The following SGCZ variants were observed in gnomAD, a reference collection of about 807,000 sequenced individuals.
The protein encoded by SGCZ is zeta-sarcoglycan.
SGCZ carries 40 observed loss-of-function variants against 41.3 expected under a neutral mutation model. The ratio of observed to expected loss-of-function variants is 0.97; its 90% CI spans 0.75 to 1.26. The LOEUF (loss-of-function observed/expected upper bound fraction) is 1.26, where lower values mean the gene tolerates loss of function less well. Among genes scored for constraint, SGCZ ranks in the 50% most tolerant of loss-of-function variants. The pLI, the probability that SGCZ is intolerant of heterozygous loss-of-function variation, is 0.00. For missense variants in SGCZ, 552 were observed against 369.8 expected, an observed-to-expected ratio of 1.49 and a Z score of -4.04; for synonymous variants, 206 against 137.5, an observed-to-expected ratio of 1.50 and a Z score of -3.49.
intron 3 of SGCZ, among the ~76,000 whole-genome samples, chr8:14,313,303 C>G (rs1031803643): frequency 6.6e-6 from 1 of 152,064 alleles, no homozygotes; most frequent in African/African-American, 2.4e-5. Flanking sequence ...TACCCCAGGG[C>G]TGATTTTTTA....
chr8:14,139,885 A>G (rs762327597), intron 5 of SGCZ, among the ~76,000 whole-genome samples: 1 of 152,264 alleles, frequency 6.6e-6, no homozygotes, highest in South Asian at 2.1e-4. Context: ...ACAACAAAAA[A>G]ACAGAATTTT....
chr8:15,064,848 T>G (rs1406644816), intron 1 of SGCZ, among the ~76,000 whole-genome samples: 1 of 152,172 alleles, frequency 6.6e-6, no homozygotes, highest in Non-Finnish European at 1.5e-5. Context: ...GCTTTCTGTG[T>G]AGAGAGAGCA....
At chr8:15,108,228 C>T (rs1203549793) in intron 1 of SGCZ, among the ~76,000 whole-genome samples, 4 of 152,042 alleles carry the variant, frequency 2.6e-5, no homozygotes, top group Non-Finnish European at 5.9e-5. Context: ...ATTAAATTCT[C>T]TTGAAATTAG....
intron 1 of SGCZ, among the ~76,000 whole-genome samples, chr8:14,958,496 G>T (rs751563607): frequency 3.9e-5 from 6 of 151,972 alleles, no homozygotes; most frequent in Non-Finnish European, 5.9e-5. Flanking sequence ...CATCCTGAAT[G>T]ATGCCATTTA....
In SGCZ at chr8:14,624,171, A is replaced by G. The variant is rs77489666; in HGVS notation, c.40-69245T>C. Among the ~76,000 whole-genome samples the G allele has an allele frequency of 8.9e-3, 1,358 of 152,288 alleles. 20 individuals are homozygous for G. The highest frequency in any genetic ancestry group is 0.031 in the African/African-American group (1,284 of 41,560). On this transcript the variant is annotated intron_variant, in intron 1 of 7. Coordinates refer to ENST00000382080, the MANE Select transcript of SGCZ (RefSeq NM_139167.4). ...TATTTAATTTCTGCAGGGTCAATGC[A>G]GACACATGTACAGCAATATTTTCAT...
At chr8:14,478,475 A>C (rs1009500838) in intron 2 of SGCZ, among the ~76,000 whole-genome samples, 16 of 152,216 alleles carry the variant, frequency 1.1e-4, no homozygotes, top group African/African-American at 3.6e-4. Flanking sequence ...ACATTCCAAG[A>C]AAGGCCAAAC....
intron 1 of SGCZ, among the ~76,000 whole-genome samples, chr8:15,146,283 C>A (rs374763447): frequency 6.6e-6 from 1 of 151,980 alleles, no homozygotes; most frequent in East Asian, 1.9e-4. Flanking sequence ...TGATTTTCGT[C>A]GGAAAGGAAT....
At chr8:14,280,734 G>C (rs566812718) in intron 3 of SGCZ, among the ~76,000 whole-genome samples, 1 of 151,454 alleles carries the variant, frequency 6.6e-6, no homozygotes, top group South Asian at 2.1e-4. Flanking sequence ...TTTCAAACGA[G>C]GAAGTTATGT....
intron 5 of SGCZ, among the ~76,000 whole-genome samples, chr8:14,132,911 A>C (rs1349508524): frequency 6.6e-6 from 1 of 152,124 alleles, no homozygotes; most frequent in Non-Finnish European, 1.5e-5. Context: ...TTTTCTAAAG[A>C]CTGAAATTCG....
intron 2 of SGCZ, among the ~76,000 whole-genome samples, chr8:14,393,435 C>T (rs1287679183): frequency 3.3e-5 from 5 of 152,154 alleles, no homozygotes; most frequent in African/African-American, 9.7e-5. Context: ...CAAAATGGCG[C>T]TGATCAACTG....
chr8:14,249,465 G>A (rs998070459), intron 3 of SGCZ, among the ~76,000 whole-genome samples: 3 of 151,952 alleles, frequency 2.0e-5, no homozygotes, highest in Non-Finnish European at 4.4e-5. Flanking sequence ...GACTAATACA[G>A]CAACCATATT....
intron 1 of SGCZ, among the ~76,000 whole-genome samples, chr8:15,024,990 T>G (rs929437185): frequency 7.3e-5 from 11 of 150,726 alleles, no homozygotes; most frequent in African/African-American, 2.4e-4. Context: ...GGTTGAAAGA[T>G]GAGTTTCAAG....
At chr8:15,224,942 A>G (rs1285457132) in intron 1 of SGCZ, among the ~76,000 whole-genome samples, 1 of 152,208 alleles carries the variant, frequency 6.6e-6, no homozygotes, top group African/African-American at 2.4e-5. Context: ...CATAGTCTCA[A>G]ATATATAAGG....
At chr8:15,149,127 A>G (rs1799111292) in intron 1 of SGCZ, among the ~76,000 whole-genome samples, 1 of 152,094 alleles carries the variant, frequency 6.6e-6, no homozygotes, top group African/African-American at 2.4e-5. Flanking sequence ...CCTTCCCCAC[A>G]GCAGGTCAGA....
At chr8:14,315,575 A>G (rs977402754) in intron 3 of SGCZ, among the ~76,000 whole-genome samples, 23 of 152,094 alleles carry the variant, frequency 1.5e-4, no homozygotes, top group Admixed American at 1.5e-3. Context: ...GAAGAAAATC[A>G]AAGTAAATAT....
chr8:15,071,976 G>C (rs948841755), intron 1 of SGCZ, among the ~76,000 whole-genome samples: 2 of 152,056 alleles, frequency 1.3e-5, no homozygotes, highest in Non-Finnish European at 2.9e-5. Context: ...CTCATGACTG[G>C]GAACGACTTG....
chr8:14,678,449 A>G (rs770577489), intron 1 of SGCZ, among the ~76,000 whole-genome samples: 4 of 152,210 alleles, frequency 2.6e-5, no homozygotes, highest in Non-Finnish European at 5.9e-5. Flanking sequence ...TCCACATTAT[A>G]TATCATCAGG....
chr8:14,217,611 A>C (rs1806044754), intron 4 of SGCZ, among the ~76,000 whole-genome samples: 1 of 149,560 alleles, frequency 6.7e-6, no homozygotes, highest in Middle Eastern at 3.5e-3. Context: ...ACTTGAGAAC[A>C]TTTAAATTCA....
intron 1 of SGCZ, among the ~76,000 whole-genome samples, chr8:14,681,127 G>A (rs1808433443): frequency 6.6e-6 from 1 of 151,904 alleles, no homozygotes; most frequent in Non-Finnish European, 1.5e-5. Flanking sequence ...CACAACAACT[G>A]TAAATTAAAG....
Sources: allele counts gnomAD v4.1 joint callset (sites outside exome capture counted in the v4.1 genomes callset), GRCh38; gene constraint gnomAD v4.1.1; transcripts MANE v1.5; gene names NCBI Gene and HGNC (gene_info 2026-07-23, HGNC 2026-07-21).